The following CFAP54 variants were observed in gnomAD, a reference collection of about 807,000 sequenced individuals.
CFAP54 encodes cilia and flagella associated protein 54, also known as cilia- and flagella-associated protein 54.
Under a neutral mutation model 370.4 loss-of-function variants are expected in CFAP54, and 290 were observed. The observed-to-expected ratio is 0.78, with a 90% CI of 0.71 to 0.86. CFAP54 has a LOEUF of 0.86. Ranked by LOEUF, CFAP54 falls within the 40% of genes least tolerant of loss-of-function variation. The probability of loss-of-function intolerance (pLI) is 0.00; values close to 1 mark genes in which losing one functional copy is unlikely to be tolerated. For missense variants in CFAP54, 3,399 were observed against 3,528.7 expected, an observed-to-expected ratio of 0.96 and a Z score of 0.93; for synonymous variants, 1,206 against 1,236.5, an observed-to-expected ratio of 0.98 and a Z score of 0.52.
intron 67 of CFAP54, among the ~76,000 whole-genome samples, chr12:96,863,153 TTGGATGGA>T (rs10537908): frequency 0.023 from 3,386 of 148,230 alleles, 59 homozygotes; most frequent in African/African-American, 0.045. Context: ...TCTATATTTG[TTGGATGGA>T]TGGATGGATG....
intron 50 of CFAP54, among the ~76,000 whole-genome samples, chr12:96,724,995 G>A (rs1375416578): frequency 6.6e-6 from 1 of 152,088 alleles, no homozygotes; most frequent in Admixed American, 6.6e-5. Context: ...TAGATATGTG[G>A]CGTTATTTCT....
At chr12:96,508,884 A>G (rs907529512) in intron 4 of CFAP54, among the ~76,000 whole-genome samples, 3 of 152,202 alleles carry the variant, frequency 2.0e-5, no homozygotes, top group Admixed American at 6.5e-5. Context: ...TAATTCTGCA[A>G]TGAATATCCT....
At chr12:96,768,380 C>T (rs371423527) in intron 60 of CFAP54, among the ~76,000 whole-genome samples, 5 of 151,714 alleles carry the variant, frequency 3.3e-5, no homozygotes, top group South Asian at 4.2e-4. Flanking sequence ...AGGCTGGGTG[C>T]GGTGGGTTAT....
intron 39 of CFAP54, among the ~76,000 whole-genome samples, chr12:96,675,024 T>C (rs1489421436): frequency 6.6e-6 from 1 of 152,062 alleles, no homozygotes; most frequent in Non-Finnish European, 1.5e-5. Flanking sequence ...GACATAGGCA[T>C]GGGCAAGGAC....
chr12:96,657,929 T>A lies in CFAP54; in HGVS notation c.5148T>A (p.Asn1716Lys). ...GEFSVPSCYGNIKNDNGGSSL... is the reference protein window; with the variant it reads ...GEFSVPSCYGKIKNDNGGSSL... ...TCAGTGTTCCAAGCTGTTATGGGAA[T>A]ATTAAAAATGACAACGGTGGTTCTA... is the stretch of plus-strand genomic sequence containing the variant. The change falls in exon 37 of 68, where the codon AAT becomes AAA. Residue 1716 changes from asparagine to lysine, a missense_variant. Physicochemically the swap from Asn to Lys is moderately conservative, Grantham distance 94 (BLOSUM62 0). This residue lies in a region of CFAP54 where 2,796 missense variants were observed against 2,869.7 expected (regional missense o/e 0.97). Transcript: ENST00000524981. 6.2e-7 allele frequency: 1 copy of A among 1,613,874 alleles called. No individual in the cohort carries two copies. The highest frequency in any genetic ancestry group is 8.5e-7 in the Non-Finnish European group (1 of 1,179,868).
intron 5 of CFAP54, among the ~76,000 whole-genome samples, chr12:96,513,357 G>A (rs977187339): frequency 6.6e-6 from 1 of 152,144 alleles, no homozygotes. Context: ...CTTTAGGTAG[G>A]GTGACCATCC....
At chr12:96,656,530 C>T (rs1489609679) in intron 36 of CFAP54, among the ~76,000 whole-genome samples, 4 of 152,150 alleles carry the variant, frequency 2.6e-5, no homozygotes, top group South Asian at 2.1e-4. Context: ...TACAGGCATG[C>T]GCCACCACAC....
chr12:96,717,217 G>A (rs188453089), intron 48 of CFAP54, among the ~76,000 whole-genome samples: 2 of 152,020 alleles, frequency 1.3e-5, no homozygotes, highest in Non-Finnish European at 2.9e-5. Context: ...TTTGTACCAC[G>A]TTCAGGCATT....
At chr12:96,612,836 A>T (rs1956374046) in intron 26 of CFAP54, among the ~76,000 whole-genome samples, 1 of 152,210 alleles carries the variant, frequency 6.6e-6, no homozygotes, top group Non-Finnish European at 1.5e-5. Flanking sequence ...CTAAATATAT[A>T]TGCACCCAAT....
chr12:96,866,463 T>C (rs1960008662), intron 67 of CFAP54, among the ~76,000 whole-genome samples: 1 of 152,162 alleles, frequency 6.6e-6, no homozygotes, highest in East Asian at 1.9e-4. Flanking sequence ...CTTTTGTTCC[T>C]GTTTGATATT....
chr12:96,490,481 A>G (rs943317464), intron 1 of CFAP54, among the ~76,000 whole-genome samples: 1 of 152,168 alleles, frequency 6.6e-6, no homozygotes, highest in South Asian at 2.1e-4. Context: ...TACTCATAAC[A>G]TGGAAAGTTG....
chr12:96,613,159 A>G (rs1490139737), intron 26 of CFAP54, among the ~76,000 whole-genome samples: 1 of 152,206 alleles, frequency 6.6e-6, no homozygotes, highest in East Asian at 1.9e-4. Flanking sequence ...AATAGAAATT[A>G]TAACAGCTGT....
chr12:96,529,116 A>G (rs1293051694), intron 9 of CFAP54, among the ~76,000 whole-genome samples: 7 of 152,202 alleles, frequency 4.6e-5, no homozygotes, highest in Non-Finnish European at 7.4e-5. Flanking sequence ...GTCAGAGAGC[A>G]CATTATGTAT....
chr12:96,647,469 T>TCC (rs1238676137), intron 33 of CFAP54, among the ~76,000 whole-genome samples: 1 of 14,660 alleles, frequency 6.8e-5, no homozygotes, highest in African/African-American at 1.7e-4. Flanking sequence ...CGAGACTCTG[T>TCC]CCCAAAAAAA....
At chr12:96,705,654 T>C (rs1296905836) in intron 47 of CFAP54, among the ~76,000 whole-genome samples, 1 of 152,222 alleles carries the variant, frequency 6.6e-6, no homozygotes, top group East Asian at 1.9e-4. Context: ...TTTCTTTTTA[T>C]TCAAAAAGAG....
At chr12:96,521,769 A>G in intron 6 of CFAP54, 88 bp from the exon 7 acceptor site, 1 of 991,192 alleles carries the variant, frequency 1.0e-6, no homozygotes, top group Non-Finnish European at 1.4e-6. Context: ...AGATTAAATC[A>G]AATGCCTGGG....
intron 40 of CFAP54, chr12:96,682,418 A>T (rs1279513888): frequency 1.8e-6 from 1 of 567,610 alleles, no homozygotes; most frequent in Admixed American, 6.4e-5. Flanking sequence ...TCCAGGCTGG[A>T]GTGCAGTGGT....
chr12:96,674,068 G>A (rs1489069978), intron 39 of CFAP54, among the ~76,000 whole-genome samples: 1 of 152,188 alleles, frequency 6.6e-6, no homozygotes, highest in African/African-American at 2.4e-5. Flanking sequence ...TTCTGCCTGG[G>A]ATCACTCTCT....
At chr12:96,721,539 A>G (rs1219479631) in intron 50 of CFAP54, among the ~76,000 whole-genome samples, 1 of 152,194 alleles carries the variant, frequency 6.6e-6, no homozygotes, top group Non-Finnish European at 1.5e-5. Flanking sequence ...CATATTTAAT[A>G]ATATGGACAT....
Sources: gnomAD v4.1 joint callset for allele counts (sites outside exome capture counted in the v4.1 genomes callset) on GRCh38, gnomAD v4.1.1 for gene constraint, gnomAD v4.1.1 regional missense constraint, MANE v1.5 for transcripts, NCBI Gene and HGNC (gene_info 2026-07-23, HGNC 2026-07-21) for gene names.